CSMD1: variants seen among roughly 807,000 people sequenced by gnomAD.
CSMD1 encodes the protein CUB and sushi domain-containing protein 1.
A neutral mutation model predicts 417.5 loss-of-function variants in CSMD1; 213 were observed. The observed-to-expected ratio is 0.51, with a 90% CI of 0.46 to 0.57. The LOEUF (loss-of-function observed/expected upper bound fraction) is 0.57. CSMD1 is among the 20% of genes least tolerant of loss of function. The pLI, the probability that CSMD1 is intolerant of heterozygous loss-of-function variation, is 0.00. For missense variants in CSMD1, 6,923 were observed against 4,529.7 expected (o/e 1.53, Z -15.17); for synonymous variants, 2,862 against 1,736.8 (o/e 1.65, Z -16.11).
chr8:3,206,141 C>T (rs1445004942), intron 30 of CSMD1, among the ~76,000 whole-genome samples: 1 of 151,396 alleles, frequency 6.6e-6, no homozygotes, highest in Non-Finnish European at 1.5e-5. Context: ...CTTTTGGGGT[C>T]TCTTCCTATG....
rs1380223218 is a variant in CSMD1, at chr8:3,615,481, TTAATA to T, written c.1097+1224_1097+1228del. 9.2e-5 allele frequency among the ~76,000 whole-genome samples: 14 copies of T among 152,308 alleles called. No individual in the cohort carries two copies. The South Asian group carries it at 2.3e-3, about 25-fold the overall frequency. ...GGATTTCAGCGAAAACACAAACTTC[TTAATA>T]TATTAGTCAAGATGTGTAATAGTTA... On this transcript the variant is annotated intron_variant, in intron 8 of 69. Transcript: ENST00000635120.
intron 2 of CSMD1, among the ~76,000 whole-genome samples, chr8:4,615,292 C>T (rs1243281567): frequency 1.3e-5 from 2 of 152,194 alleles, no homozygotes; most frequent in African/African-American, 4.8e-5. Flanking sequence ...AATCTCTTCA[C>T]ATTGGGTTTA....
At chr8:3,296,377 G>A (rs977688441) in intron 25 of CSMD1, among the ~76,000 whole-genome samples, 1 of 152,088 alleles carries the variant, frequency 6.6e-6, no homozygotes, top group African/African-American at 2.4e-5. Flanking sequence ...TGGGAAGGAA[G>A]AGCTGAGAGC....
At chr8:3,002,530 GA>G (rs1449152645) in intron 52 of CSMD1, among the ~76,000 whole-genome samples, 6 of 152,238 alleles carry the variant, frequency 3.9e-5, no homozygotes, top group African/African-American at 1.4e-4. Context: ...ACCACTCCAA[GA>G]GGAGGGGATG....
chr8:4,170,010 C>G (rs181828346), intron 3 of CSMD1, among the ~76,000 whole-genome samples: 5 of 151,620 alleles, frequency 3.3e-5, no homozygotes, highest in East Asian at 1.9e-4. Context: ...CCTAAGAGAT[C>G]GTAAAATCAA....
At chr8:3,785,415 G>C (rs1353352219) in intron 5 of CSMD1, among the ~76,000 whole-genome samples, 1 of 152,178 alleles carries the variant, frequency 6.6e-6, no homozygotes, top group Admixed American at 6.5e-5. Context: ...TGAGAGGTCA[G>C]GCTAAGCAGC....
chr8:3,306,272 C>G (rs963215528), intron 25 of CSMD1, among the ~76,000 whole-genome samples: 2 of 152,144 alleles, frequency 1.3e-5, no homozygotes, highest in African/African-American at 4.8e-5. Flanking sequence ...ATTTTTCATC[C>G]TTCCACATCT....
chr8:4,461,741 A>ATTTTTT (rs35226423), intron 2 of CSMD1, among the ~76,000 whole-genome samples: 1 of 124,550 alleles, frequency 8.0e-6, no homozygotes, highest in South Asian at 2.7e-4. Flanking sequence ...TTATTTACTT[A>ATTTTTT]TTTTTTTTTT....
At chr8:3,001,752 T>G (rs1049950001) in intron 52 of CSMD1, among the ~76,000 whole-genome samples, 1 of 152,136 alleles carries the variant, frequency 6.6e-6, no homozygotes, top group Non-Finnish European at 1.5e-5. Flanking sequence ...CCATGCAAAA[T>G]ATCAAGGCGG....
intron 41 of CSMD1, among the ~76,000 whole-genome samples, chr8:3,119,062 C>G (rs1000325190): frequency 6.6e-6 from 1 of 152,006 alleles, no homozygotes; most frequent in African/African-American, 2.4e-5. Flanking sequence ...CGCCTGTAGT[C>G]CCAGCTACTC....
intron 3 of CSMD1, among the ~76,000 whole-genome samples, chr8:4,154,624 A>C (rs1796736058): frequency 6.6e-6 from 1 of 152,354 alleles, no homozygotes; most frequent in African/African-American, 2.4e-5. Flanking sequence ...AAAAGGCCTA[A>C]GTAAAAAGTT....
chr8:4,103,132 G>A (rs994044209), intron 3 of CSMD1, among the ~76,000 whole-genome samples: 1 of 152,102 alleles, frequency 6.6e-6, no homozygotes, highest in Non-Finnish European at 1.5e-5. Flanking sequence ...CGAGTTAACA[G>A]TTATTTTGCA....
chr8:3,310,180 A>T (rs908767188), intron 23 of CSMD1, among the ~76,000 whole-genome samples: 1 of 152,230 alleles, frequency 6.6e-6, no homozygotes, highest in Non-Finnish European at 1.5e-5. Flanking sequence ...GATGACCTTC[A>T]TCTCACTGCA....
intron 26 of CSMD1, among the ~76,000 whole-genome samples, chr8:3,276,458 G>C (rs943242188): frequency 1.3e-5 from 2 of 152,192 alleles, no homozygotes; most frequent in Admixed American, 6.5e-5. Context: ...GCAGAGAAGA[G>C]AGAGCTTGTG....
At chr8:4,422,249 G>C (rs1208016552) in intron 2 of CSMD1, among the ~76,000 whole-genome samples, 1 of 152,024 alleles carries the variant, frequency 6.6e-6, no homozygotes. Context: ...GTCTCTTCCA[G>C]AAAGTGTAAG....
chr8:4,004,041 A>G (rs1423434905), intron 4 of CSMD1, among the ~76,000 whole-genome samples: 1 of 152,248 alleles, frequency 6.6e-6, no homozygotes, highest in East Asian at 1.9e-4. Flanking sequence ...AATACTCTAT[A>G]GTAAAACAGA....
At chr8:4,700,730 C>T (rs1807473639) in intron 1 of CSMD1, among the ~76,000 whole-genome samples, 1 of 152,070 alleles carries the variant, frequency 6.6e-6, no homozygotes, top group Non-Finnish European at 1.5e-5. Context: ...TCCATAAAGT[C>T]AGCACATTTT....
chr8:3,488,451 T>A (rs550045483), intron 11 of CSMD1, among the ~76,000 whole-genome samples: 3 of 152,152 alleles, frequency 2.0e-5, no homozygotes, highest in Admixed American at 1.3e-4. Flanking sequence ...CTAAAACCGA[T>A]AGATAAATGT....
intron 2 of CSMD1, among the ~76,000 whole-genome samples, chr8:4,524,882 T>C (rs1263709010): frequency 2.0e-5 from 3 of 152,168 alleles, no homozygotes; most frequent in Non-Finnish European, 4.4e-5. Flanking sequence ...TTACCATGAC[T>C]TCTAAGTATT....
Sources: allele counts gnomAD v4.1 joint callset (sites outside exome capture counted in the v4.1 genomes callset), GRCh38; gene constraint gnomAD v4.1.1; transcripts MANE v1.5; gene names NCBI Gene and HGNC (gene_info 2026-07-23, HGNC 2026-07-21).